The following AKAP19 variants were observed in gnomAD, a reference collection of about 807,000 sequenced individuals.
AKAP19 encodes small A-kinase anchoring protein.
the AKAP19 span, among the ~76,000 whole-genome samples, chr2:190,192,423 AGTTT>A: frequency 1.4e-5 from 2 of 145,340 alleles, no homozygotes; most frequent in Admixed American, 6.8e-5. Flanking sequence ...TGGCCATTCT[AGTTT>A]GTGTTTCCAT....
the AKAP19 span, chr2:189,930,335 A>T: frequency 1.6e-6 from 1 of 632,316 alleles, no homozygotes; most frequent in Admixed American, 2.5e-5. Context: ...GAAGGATCTC[A>T]TCTACCAGTC....
chr2:190,029,674 T>C, the AKAP19 span, among the ~76,000 whole-genome samples: 2 of 152,296 alleles, frequency 1.3e-5, no homozygotes, highest in East Asian at 1.9e-4. Flanking sequence ...AACTCTCCTA[T>C]TGTAGTGCAA....
At chr2:190,117,831 C>T in the AKAP19 span, among the ~76,000 whole-genome samples, 3 of 152,154 alleles carry the variant, frequency 2.0e-5, no homozygotes, top group African/African-American at 7.2e-5. Flanking sequence ...TCTTTGGATC[C>T]ACAATGAATG....
chr2:189,889,623 T>A, the AKAP19 span, among the ~76,000 whole-genome samples: 1 of 152,230 alleles, frequency 6.6e-6, no homozygotes, highest in African/African-American at 2.4e-5. Context: ...ATTGGCCTAT[T>A]CAGGGATTCA....
chr2:189,887,441 T>G, the AKAP19 span, among the ~76,000 whole-genome samples: 1 of 152,362 alleles, frequency 6.6e-6, no homozygotes, highest in Non-Finnish European at 1.5e-5. Flanking sequence ...TAAACCTACA[T>G]GTGCATGTGT....
At chr2:190,125,742 A>G in the AKAP19 span, among the ~76,000 whole-genome samples, 24 of 152,236 alleles carry the variant, frequency 1.6e-4, no homozygotes, top group Middle Eastern at 0.01. Context: ...ATGCCTTTCT[A>G]TAGAGTCATG....
chr2:189,958,576 G>T, the AKAP19 span, among the ~76,000 whole-genome samples: 2 of 147,430 alleles, frequency 1.4e-5, no homozygotes, highest in Admixed American at 6.7e-5. Context: ...ACATCTAAAT[G>T]TGTGTGTGTA....
At chr2:190,074,384 G>T in the AKAP19 span, among the ~76,000 whole-genome samples, 1 of 152,150 alleles carries the variant, frequency 6.6e-6, no homozygotes, top group Non-Finnish European at 1.5e-5. Context: ...AGGTGCGGTG[G>T]CTTCACACCT....
chr2:190,039,578 C>T, the AKAP19 span, among the ~76,000 whole-genome samples: 2 of 151,980 alleles, frequency 1.3e-5, no homozygotes, highest in African/African-American at 2.4e-5. Context: ...CATAGGTAAA[C>T]GTGTGCCACA....
the AKAP19 span, chr2:190,202,888 G>A: frequency 6.0e-6 from 1 of 167,156 alleles, no homozygotes; most frequent in Admixed American, 6.5e-5. Context: ...CTTATGTACT[G>A]TTGTTACCTT....
chr2:190,173,059 G>A, the AKAP19 span, among the ~76,000 whole-genome samples: 36 of 151,750 alleles, frequency 2.4e-4, no homozygotes, highest in Non-Finnish European at 3.7e-4. Flanking sequence ...ACGTTGCAGT[G>A]AGCCGTGATC....
chr2:190,187,793 G>A, the AKAP19 span, among the ~76,000 whole-genome samples: 1 of 152,198 alleles, frequency 6.6e-6, no homozygotes, highest in Non-Finnish European at 1.5e-5. Context: ...GTTCGAGGCT[G>A]CTGTGAGCCA....
the AKAP19 span, among the ~76,000 whole-genome samples, chr2:190,045,376 G>A: frequency 1.3e-5 from 2 of 151,896 alleles, no homozygotes; most frequent in Non-Finnish European, 2.9e-5. Context: ...TGGAAGCACC[G>A]TCCCAGGGGG....
the AKAP19 span, among the ~76,000 whole-genome samples, chr2:190,096,766 A>G: frequency 6.6e-6 from 1 of 152,194 alleles, no homozygotes; most frequent in African/African-American, 2.4e-5. Flanking sequence ...TCAAGGCACC[A>G]GTAGGAGTCA....
the AKAP19 span, among the ~76,000 whole-genome samples, chr2:190,020,465 G>A: frequency 1.3e-5 from 2 of 152,000 alleles, no homozygotes; most frequent in Non-Finnish European, 2.9e-5. Context: ...TCAAGATCAG[G>A]GTCCAGGTTT....
chr2:189,918,174 C>A, the AKAP19 span, among the ~76,000 whole-genome samples: 93 of 152,012 alleles, frequency 6.1e-4, no homozygotes, highest in Admixed American at 5.2e-3. Flanking sequence ...AGATAATAGA[C>A]AATATTATAC....
At chr2:189,969,059 A>T in the AKAP19 span, among the ~76,000 whole-genome samples, 1 of 152,182 alleles carries the variant, frequency 6.6e-6, no homozygotes, top group African/African-American at 2.4e-5. Flanking sequence ...ACAAATATTT[A>T]CTGTATAGGC....
At chr2:190,042,203 T>G in the AKAP19 span, among the ~76,000 whole-genome samples, 1 of 152,194 alleles carries the variant, frequency 6.6e-6, no homozygotes, top group Non-Finnish European at 1.5e-5. Context: ...GAGCTTGCTA[T>G]TGGTCTGTTC....
the AKAP19 span, among the ~76,000 whole-genome samples, chr2:189,972,745 T>C: frequency 6.6e-6 from 1 of 152,196 alleles, no homozygotes; most frequent in Non-Finnish European, 1.5e-5. Flanking sequence ...TTTGAAGCAA[T>C]TGTGAATGGG....
Sources: gnomAD v4.1 joint callset for allele counts (sites outside exome capture counted in the v4.1 genomes callset) on GRCh38, gnomAD v4.1.1 for gene constraint, MANE v1.5 for transcripts, NCBI Gene and HGNC (gene_info 2026-07-23, HGNC 2026-07-21) for gene names.